Variants in ZNF69 observed in about 807,000 individuals in gnomAD.
ZNF69 encodes the protein zinc finger protein 69.
Under a neutral mutation model 50.9 loss-of-function variants are expected in ZNF69, and 47 were observed. The observed-to-expected ratio is 0.92, with a 90% CI of 0.73 to 1.18. The LOEUF (loss-of-function observed/expected upper bound fraction) is 1.18. Ranked by LOEUF, ZNF69 falls within the 50% of genes most tolerant of loss-of-function variation. ZNF69 has a pLI of 0.00. For synonymous variants in ZNF69, 216 were observed against 223.1 expected, an observed-to-expected ratio of 0.97 and a Z score of 0.29; for missense variants, 717 against 675.1, an observed-to-expected ratio of 1.06 and a Z score of -0.69.
At chr19:11,965,015 T>G in the ZNF69 span, 1 of 610,728 alleles carries the variant, frequency 1.6e-6, no homozygotes, top group Non-Finnish European at 2.9e-6. Context: ...CCATTGTTTA[T>G]CCAGGCACAG....
downstream of ZNF69, among the ~76,000 whole-genome samples, chr19:11,910,117 A>G (rs947954861): frequency 2.3e-4 from 35 of 152,236 alleles, 1 homozygote; most frequent in African/African-American, 7.7e-4. Context: ...CTTACAAGGG[A>G]TGTGAAGGAC....
chr19:11,898,778 T>C (rs529406210), intron 1 of ZNF69, among the ~76,000 whole-genome samples: 8 of 152,250 alleles, frequency 5.3e-5, no homozygotes, highest in Middle Eastern at 6.8e-3. Flanking sequence ...AGCAGGAGGA[T>C]AGCTTGGACT....
At chr19:11,934,210 G>C in the ZNF69 span, among the ~76,000 whole-genome samples, 1 of 148,094 alleles carries the variant, frequency 6.8e-6, no homozygotes, top group South Asian at 2.1e-4. Context: ...CACCTTGTTT[G>C]AGTCTAGTTT....
At chr19:11,889,661 GGTA>G (rs1206050493) in intron 1 of ZNF69, among the ~76,000 whole-genome samples, 2 of 152,158 alleles carry the variant, frequency 1.3e-5, no homozygotes, top group Admixed American at 1.3e-4. Context: ...TTTCTTGTCA[GGTA>G]GAGACAAGAG....
At chr19:11,925,805 A>G in the ZNF69 span, among the ~76,000 whole-genome samples, 9 of 152,272 alleles carry the variant, frequency 5.9e-5, no homozygotes, top group Admixed American at 4.6e-4. Flanking sequence ...AAGTTTATTC[A>G]GAGCCGAATA....
the ZNF69 span, among the ~76,000 whole-genome samples, chr19:11,944,845 G>T: frequency 1.3e-5 from 2 of 152,180 alleles, no homozygotes; most frequent in African/African-American, 2.4e-5. Flanking sequence ...AGAAGTACCG[G>T]CTTAACAACT....
At chr19:11,924,426 C>T in the ZNF69 span, among the ~76,000 whole-genome samples, 12 of 126,762 alleles carry the variant, frequency 9.5e-5, no homozygotes, top group African/African-American at 4.2e-4. Context: ...AGCAAGACTC[C>T]GTCTCAAAAA....
chr19:11,947,184 C>T, the ZNF69 span: 1 of 1,613,738 alleles, frequency 6.2e-7, no homozygotes, highest in East Asian at 2.2e-5. Flanking sequence ...GTTTCAGGAC[C>T]CAGTGGCCTT....
chr19:11,939,064 G>A, the ZNF69 span, among the ~76,000 whole-genome samples: 1,610 of 152,194 alleles, frequency 0.011, 19 homozygotes, highest in Non-Finnish European at 0.012. Context: ...CCCACTTTTT[G>A]ATGGGGTTGT....
At chr19:11,897,896 A>G (rs1161082339) in intron 1 of ZNF69, among the ~76,000 whole-genome samples, 6 of 151,726 alleles carry the variant, frequency 4.0e-5, no homozygotes, top group Admixed American at 3.9e-4. Context: ...AGAAAAGAAA[A>G]GAAAAAAGAA....
At chr19:11,921,952 G>C in the ZNF69 span, among the ~76,000 whole-genome samples, 1 of 152,106 alleles carries the variant, frequency 6.6e-6, no homozygotes. Flanking sequence ...AAAAGTAAAA[G>C]CTAAGGCCCA....
At chr19:11,955,715 A>G in the ZNF69 span, among the ~76,000 whole-genome samples, 1 of 152,228 alleles carries the variant, frequency 6.6e-6, no homozygotes, top group African/African-American at 2.4e-5. Flanking sequence ...AACAAAGTAT[A>G]GTAGATAATC....
the ZNF69 span, among the ~76,000 whole-genome samples, chr19:11,955,585 G>A: frequency 6.6e-5 from 10 of 151,920 alleles, no homozygotes; most frequent in Non-Finnish European, 1.0e-4. Context: ...GTGAGCCACC[G>A]TGCCTGGCCA....
chr19:11,958,064 G>A, the ZNF69 span, among the ~76,000 whole-genome samples: 1 of 152,112 alleles, frequency 6.6e-6, no homozygotes, highest in Admixed American at 6.5e-5. Flanking sequence ...TTGTAGTAAG[G>A]TGCTCTTGCA....
the ZNF69 span, chr19:11,978,135 G>T: frequency 6.2e-7 from 1 of 1,613,180 alleles, no homozygotes; most frequent in Non-Finnish European, 8.5e-7. Context: ...AGAAGGGAAT[G>T]TCAATGAAAT....
At chr19:11,967,683 G>A in the ZNF69 span, among the ~76,000 whole-genome samples, 2 of 152,022 alleles carry the variant, frequency 1.3e-5, no homozygotes, top group East Asian at 1.9e-4. Flanking sequence ...GATTACAGGC[G>A]TGAGCCACCA....
chr19:11,896,144 G>A (rs578064222), intron 1 of ZNF69, among the ~76,000 whole-genome samples: 2 of 143,466 alleles, frequency 1.4e-5, no homozygotes, highest in East Asian at 4.2e-4. Context: ...ACGAGAACCT[G>A]GGAGATGGAG....
At chr19:11,889,595 A>G (rs940839704) in intron 1 of ZNF69, among the ~76,000 whole-genome samples, 3 of 152,348 alleles carry the variant, frequency 2.0e-5, no homozygotes, top group South Asian at 4.1e-4. Flanking sequence ...CCTCCTGAGT[A>G]GCTGGGATTA....
At chr19:11,978,460 A>G in the ZNF69 span, 1 of 1,614,204 alleles carries the variant, frequency 6.2e-7, no homozygotes, top group South Asian at 1.1e-5. Flanking sequence ...GAATGTGGAA[A>G]AACCTTTATT....
Sources: allele counts gnomAD v4.1 joint callset (sites outside exome capture counted in the v4.1 genomes callset), GRCh38; gene constraint gnomAD v4.1.1; transcripts MANE v1.5; gene names NCBI Gene and HGNC (gene_info 2026-07-23, HGNC 2026-07-21).